Variants in TCERG1L observed in about 807,000 individuals in gnomAD.
TCERG1L encodes transcription elongation regulator 1 like.
Under a neutral mutation model 56.3 loss-of-function variants are expected in TCERG1L, and 37 were observed. The observed-to-expected ratio is 0.66, with a 90% CI of 0.51 to 0.87. The LOEUF (loss-of-function observed/expected upper bound fraction) is 0.87. Among genes scored for constraint, TCERG1L ranks in the 40% least tolerant of loss-of-function variants. The probability of loss-of-function intolerance (pLI) is 0.00; values close to 1 mark genes in which losing one functional copy is unlikely to be tolerated. For missense variants in TCERG1L, 799 were observed against 774.2 expected (o/e 1.03, Z -0.38); for synonymous variants, 324 against 326.3 (o/e 0.99, Z 0.08).
chr10:131,167,367 T>A (rs1486338039), intron 4 of TCERG1L, among the ~76,000 whole-genome samples: 3 of 152,128 alleles, frequency 2.0e-5, no homozygotes, highest in Non-Finnish European at 2.9e-5. Context: ...TGTGTGGATG[T>A]CTTGGGGCTG....
intron 4 of TCERG1L, among the ~76,000 whole-genome samples, chr10:131,220,538 G>C (rs537796537): frequency 6.6e-6 from 1 of 152,192 alleles, no homozygotes; most frequent in South Asian, 2.1e-4. Flanking sequence ...TTGGTGTCTT[G>C]TGGGGCCAGG....
At chr10:131,132,662 C>T (rs888471467) in intron 8 of TCERG1L, among the ~76,000 whole-genome samples, 5 of 152,240 alleles carry the variant, frequency 3.3e-5, no homozygotes, top group African/African-American at 7.2e-5. Flanking sequence ...CTGAGGTCCA[C>T]GTGTGACGGT....
At position 131,260,999 on chromosome 10, in the gene TCERG1L, G is replaced by A. The variant is rs925439021; in HGVS notation, c.671-555C>T. Reference sequence around the variant, plus strand: ...GCTCAGCCGGGCCCTGCAGGGAGAGGGTGGACAGGTTTCCAGAGGGCACCA... The same window carrying A: ...GCTCAGCCGGGCCCTGCAGGGAGAGAGTGGACAGGTTTCCAGAGGGCACCA... On this transcript the variant is annotated intron_variant, in intron 3 of 11. Transcript: ENST00000368642. This position sits in a 1 kb window ranked among gnomAD's most constrained non-coding sequence, Gnocchi z 5.8. Among the ~76,000 whole-genome samples the A allele has an allele frequency of 1.3e-5, 2 of 151,796 alleles. No homozygotes were observed. Among genetic ancestry groups the A allele is most frequent in the Non-Finnish European group, 2.9e-5 (2 of 67,934 alleles).
intron 9 of TCERG1L, among the ~76,000 whole-genome samples, chr10:131,115,405 C>A (rs1173791292): frequency 3.0e-5 from 3 of 98,918 alleles, no homozygotes; most frequent in Non-Finnish European, 7.1e-5. Context: ...GGACTAAAGT[C>A]TTGTTTTCAA....
chr10:131,274,227 G>A (rs1449852645), intron 3 of TCERG1L, among the ~76,000 whole-genome samples: 7 of 152,106 alleles, frequency 4.6e-5, no homozygotes, highest in Middle Eastern at 3.2e-3. Flanking sequence ...ATTCTAAAAC[G>A]ATCATTCTGT....
Position 131,166,829 on chromosome 10 carries a change from G to A in TCERG1L, c.913C>T (p.Gln305Ter), listed in dbSNP as rs1366498168. 6.2e-7 allele frequency: 1 copy of A among 1,613,708 alleles called. No individual in the cohort carries two copies. Among genetic ancestry groups the A allele is most frequent in the Admixed American group, 1.7e-5 (1 of 60,008 alleles). ...ARPPALMLRA[Q>*]KSRDGDKEDK... ...TCTTTGTCTCCATCCCGGCTCTTCT[G>A]GGCCCGCAGCATCAGGGCAGGAGGG... Residue 305 changes from glutamine (Q) to a stop codon, truncating the protein, a stop_gained, in exon 5 of 12, where the codon CAG (glutamine) becomes TAG (stop). Transcript: ENST00000368642. LOFTEE classifies it high-confidence loss of function.
chr10:131,155,802 C>A (rs1362065595), intron 6 of TCERG1L, among the ~76,000 whole-genome samples: 3 of 152,282 alleles, frequency 2.0e-5, no homozygotes, highest in South Asian at 4.2e-4. Context: ...GCCCACCCCC[C>A]ACTCCCTGGG....
At position 131,093,304 on chromosome 10, in the gene TCERG1L, T is replaced by G. The variant is rs765448747; in HGVS notation, c.1619A>C (p.Glu540Ala). 1.9e-6 allele frequency: 3 copies of G among 1,613,314 alleles called. No homozygotes were observed. Among genetic ancestry groups the G allele is most frequent in the Non-Finnish European group, 2.5e-6 (3 of 1,179,702 alleles). The change falls in exon 12 of 12, where the codon GAG becomes GCG. Residue 540 changes from glutamate (E) to alanine (A), a missense_variant. Coordinates refer to ENST00000368642, the MANE Select transcript of TCERG1L (RefSeq NM_174937.4). Reference protein sequence around the residue: ...SKVSPRTTFKEFAEKYGRDQR... With the variant: ...SKVSPRTTFKAFAEKYGRDQR... ...ATCCCGGCCGTATTTCTCTGCAAAC[T>G]CCTTAAACGTGGTCCTGAAAAAGAA...
intron 4 of TCERG1L, among the ~76,000 whole-genome samples, chr10:131,209,099 T>C (rs1413031726): frequency 6.7e-6 from 1 of 149,974 alleles, no homozygotes; most frequent in Non-Finnish European, 1.5e-5. Flanking sequence ...TTGTTTCAGG[T>C]ACAAAATTAA....
intron 4 of TCERG1L, among the ~76,000 whole-genome samples, chr10:131,245,561 T>C (rs1846023833): frequency 1.3e-5 from 2 of 151,992 alleles, no homozygotes; most frequent in African/African-American, 4.8e-5. Context: ...CGACAGGAAA[T>C]ATGACCAAGC....
chr10:131,266,543 T>A (rs1418433127), intron 3 of TCERG1L, among the ~76,000 whole-genome samples: 1 of 152,074 alleles, frequency 6.6e-6, no homozygotes, highest in Non-Finnish European at 1.5e-5. Context: ...ACTTCTTGAG[T>A]CCAGAAAGAA....
At chr10:131,299,395 T>C (rs886346862) in intron 3 of TCERG1L, among the ~76,000 whole-genome samples, 1 of 152,184 alleles carries the variant, frequency 6.6e-6, no homozygotes, top group Non-Finnish European at 1.5e-5. Flanking sequence ...TTTTGGGTTG[T>C]TTATTATCAT....
intron 8 of TCERG1L, among the ~76,000 whole-genome samples, chr10:131,120,871 C>T (rs775976733): frequency 1.1e-4 from 16 of 152,162 alleles, no homozygotes; most frequent in Admixed American, 4.6e-4. Context: ...CTTGCAGGTG[C>T]GGTGTGTCCA....
chr10:131,301,686 G>C (rs1846763025), intron 3 of TCERG1L, among the ~76,000 whole-genome samples: 1 of 151,798 alleles, frequency 6.6e-6, no homozygotes. Flanking sequence ...ATAAGTGCTT[G>C]AGAAAATAGG....
chr10:131,252,643 G>A (rs1372182520), intron 4 of TCERG1L, among the ~76,000 whole-genome samples: 6 of 152,148 alleles, frequency 3.9e-5, no homozygotes, highest in Admixed American at 6.5e-5. Context: ...ATCAGGGACC[G>A]CCTCCTCTAC....
At chr10:131,198,448 G>C (rs938572250) in intron 4 of TCERG1L, among the ~76,000 whole-genome samples, 15 of 152,208 alleles carry the variant, frequency 9.9e-5, no homozygotes, top group African/African-American at 3.6e-4. Flanking sequence ...TATGACAAGA[G>C]GTGTCTCTGC....
At chr10:131,202,312 T>G (rs192784815) in intron 4 of TCERG1L, among the ~76,000 whole-genome samples, 1 of 152,258 alleles carries the variant, frequency 6.6e-6, no homozygotes. Context: ...CCGGGCGCGG[T>G]GGTTCATGCC....
At chr10:131,199,306 C>A (rs907841323) in intron 4 of TCERG1L, among the ~76,000 whole-genome samples, 3 of 152,214 alleles carry the variant, frequency 2.0e-5, no homozygotes, top group African/African-American at 7.2e-5. Context: ...ACTTTAAGCT[C>A]TGCTTCTCTT....
intron 3 of TCERG1L, among the ~76,000 whole-genome samples, chr10:131,280,398 G>T (rs139798159): frequency 6.9e-6 from 1 of 143,956 alleles, no homozygotes; most frequent in Non-Finnish European, 1.5e-5. Context: ...GTCTGGAAAC[G>T]AGGGACAACC....
Sources: gnomAD v4.1 joint callset for allele counts (sites outside exome capture counted in the v4.1 genomes callset) on GRCh38, gnomAD v4.1.1 for gene constraint, Gnocchi (gnomAD v3.1) non-coding constraint, MANE v1.5 for transcripts, NCBI Gene and HGNC (gene_info 2026-07-23, HGNC 2026-07-21) for gene names.